The following FAT1 variants were observed in gnomAD, a reference collection of about 807,000 sequenced individuals.
The protein encoded by FAT1 is protocadherin Fat 1.
In FAT1, 171 loss-of-function variants were observed where a neutral mutation model predicts 329.8. That is an observed-to-expected ratio of 0.52 (90% confidence interval 0.46 to 0.59). The LOEUF (loss-of-function observed/expected upper bound fraction) is 0.59. Among genes scored for constraint, FAT1 ranks in the 20% least tolerant of loss-of-function variants. The pLI is 0.00. For missense variants in FAT1, 5,672 were observed against 5,774.4 expected (o/e 0.98, Z 0.57); for synonymous variants, 2,233 against 2,228.6 (o/e 1.00, Z -0.06).
intron 2 of FAT1, among the ~76,000 whole-genome samples, chr4:186,701,322 A>G (rs1744299829): frequency 6.6e-6 from 1 of 152,170 alleles, no homozygotes; most frequent in Non-Finnish European, 1.5e-5. Context: ...GAACACAGCA[A>G]CAACACACTG....
At chr4:186,640,838 G>C (rs769782401) in intron 3 of FAT1, among the ~76,000 whole-genome samples, 1 of 152,060 alleles carries the variant, frequency 6.6e-6, no homozygotes, top group Non-Finnish European at 1.5e-5. Context: ...CTAAAATGTC[G>C]TCCCCAATCT....
chr4:186,684,980 TA>T (rs1743394836), intron 2 of FAT1, among the ~76,000 whole-genome samples: 1 of 152,106 alleles, frequency 6.6e-6, no homozygotes, highest in African/African-American at 2.4e-5. Context: ...AAACATTATC[TA>T]AAGGGAAGAA....
At chr4:186,666,334 G>T (rs1330539025) in intron 2 of FAT1, among the ~76,000 whole-genome samples, 2 of 152,098 alleles carry the variant, frequency 1.3e-5, no homozygotes, top group African/African-American at 4.8e-5. Flanking sequence ...ACACTCAACT[G>T]GTCTGCTAAA....
At chr4:186,601,206 T>C in intron 21 of FAT1, 63 bp downstream of exon 21, 2 of 1,403,726 alleles carry the variant, frequency 1.4e-6, no homozygotes, top group South Asian at 3.0e-5. Flanking sequence ...ACAATCTGAA[T>C]ATAAAATGAA....
chr4:186,707,407 A>T lies in FAT1; in HGVS notation c.2421T>A (p.Leu807=), dbSNP rs1349497308. 6.2e-7 allele frequency: 1 copy of T among 1,613,912 alleles called. No homozygotes were observed. The highest frequency in any genetic ancestry group is 8.5e-7 in the Non-Finnish European group (1 of 1,179,904). Residue 807 remains leucine (L), a synonymous_variant, in exon 2 of 27, where the codon CTT becomes CTA. Coordinates refer to ENST00000441802, the MANE Select transcript of FAT1 (RefSeq NM_005245.4). The stretch of plus-strand genomic sequence containing the variant: ...TGGCATCGACAACCACGACATGTAG[A>T]AGACGCCACGCAGCCTTCTGGGGTA... ...LGIPQKAAWR[L]LHVVVVDAND...
chr4:186,694,150 A>T (rs1289233160), intron 2 of FAT1, among the ~76,000 whole-genome samples: 1 of 152,018 alleles, frequency 6.6e-6, no homozygotes, highest in African/African-American at 2.4e-5. Context: ...TCATCTACTA[A>T]TCCAACCACC....
rs181670062 is a variant in FAT1 at position 186,720,371 on chromosome 4, T to A, written c.-19+3293A>T. Among the ~76,000 whole-genome samples, 242 of 129,948 alleles carry A rather than the reference T, an allele frequency of 1.9e-3. 3 individuals carry two copies. The Admixed American group carries it at 0.019, about 10-fold the overall frequency. 85.3% of individuals were successfully genotyped at this position (129,948 alleles called of 152,430 possible). On this transcript the variant is annotated intron_variant, in intron 1 of 26. Coordinates refer to ENST00000441802, the MANE Select transcript of FAT1 (RefSeq NM_005245.4). ...TAAGTCATAGTCAAGATTCTCTATG[T>A]TCTACCTAGACAAAAAAAAGAAGCC... is the stretch of plus-strand genomic sequence containing the variant.
rs939450461 is a variant in FAT1 at position 186,618,663 on chromosome 4, A to C, written c.7923T>G (p.Ser2641Arg). Residue 2641 changes from serine to arginine, a missense_variant, in exon 10 of 27, where the codon AGT (serine) becomes AGG (arginine). Physicochemically the swap from Ser to Arg is moderately radical, Grantham distance 110. Around this residue, in one of 2 missense-constraint regions of FAT1, gnomAD observed 3,966 missense variants for 3,915.2 expected, o/e 1.01. Transcript: ENST00000441802. ...ITYAIEADSE[S>R]VKENLEINKL... ...TGTTAATTTCCAAATTCTCTTTTAC[A>C]CTTTCAGAGTCTGCTTCAATGGCAT... 1 of 1,613,858 alleles carries C rather than the reference A, an allele frequency of 6.2e-7. No homozygotes were observed. Among genetic ancestry groups the C allele is most frequent in the African/African-American group, 1.3e-5 (1 of 74,914 alleles).
At chr4:186,689,396 T>G (rs1405799823) in intron 2 of FAT1, among the ~76,000 whole-genome samples, 2 of 152,216 alleles carry the variant, frequency 1.3e-5, no homozygotes, top group African/African-American at 2.4e-5. Context: ...ACTGGACATT[T>G]TTTTTCTTTT....
intron 4 of FAT1, among the ~76,000 whole-genome samples, chr4:186,639,318 A>T (rs1307632016): frequency 6.6e-6 from 1 of 152,244 alleles, no homozygotes; most frequent in Non-Finnish European, 1.5e-5. Context: ...AGGTTGAAAC[A>T]GATCTATAAA....
rs370305014 is a variant in FAT1 at position 186,620,982 on chromosome 4, A to C, written c.5604T>G (p.His1868Gln). Reference sequence around the variant, plus strand: ...GGGGGCAGTCATTAATGTCAATTACATGTACTGTTACATTCGCTGCATACT... The same window carrying C: ...GGGGGCAGTCATTAATGTCAATTACCTGTACTGTTACATTCGCTGCATACT... ...FAEYAANVTV[H>Q]VIDINDCPPV... Residue 1868 changes from histidine (H) to glutamine (Q), a missense_variant, in exon 10 of 27, where the codon CAT becomes CAG. Around this residue, in one of 2 missense-constraint regions of FAT1, gnomAD observed 3,966 missense variants for 3,915.2 expected, o/e 1.01. Transcript: ENST00000441802. 23 of 1,613,366 alleles carry C rather than the reference A, an allele frequency of 1.4e-5. No individual in the cohort carries two copies. Among genetic ancestry groups the C allele is most frequent in the Admixed American group, 8.3e-5 (5 of 60,026 alleles).
rs2126497127 is a variant in FAT1, at chr4:186,618,607, C to G, written c.7979G>C (p.Ser2660Thr). Residue 2660 changes from serine to threonine, a missense_variant, in exon 10 of 27, where the codon AGC becomes ACC. This residue lies in a region of FAT1 where 3,966 missense variants were observed against 3,915.2 expected (regional missense o/e 1.01). Transcript: ENST00000441802. ...GAATTCATTTTCCAAGCCAATGAGG[C>G]TCTCCTTTGTAGTGATTACGCCGGA... ...KLSGVITTKESLIGLENEFFT... is the reference protein window; with the variant it reads ...KLSGVITTKETLIGLENEFFT... The G allele has an allele frequency of 6.2e-7, 1 of 1,614,056 alleles. No homozygotes were observed. The highest frequency in any genetic ancestry group is 8.5e-7 in the Non-Finnish European group (1 of 1,179,904).
rs926413845 is a variant in FAT1 at position 186,619,932 on chromosome 4, G to A, written c.6654C>T (p.Ile2218=). The A allele has an allele frequency of 6.2e-7, 1 of 1,613,998 alleles. No homozygotes were observed. Among genetic ancestry groups the A allele is most frequent in the Non-Finnish European group, 8.5e-7 (1 of 1,179,892 alleles). Residue 2218 remains isoleucine, a synonymous_variant, in exon 10 of 27, where the codon ATC becomes ATT. Transcript: ENST00000441802. The part of the protein sequence containing the change: ...SPEGLKVFYS[I]TDGDPFSQFT... ...ACTGGCTGAAAGGGTCTCCGTCTGT[G>A]ATGCTGTAGAACACTTTCAGGCCTT...
intron 22 of FAT1, among the ~76,000 whole-genome samples, chr4:186,599,185 T>C (rs1738672598): frequency 6.6e-6 from 1 of 152,214 alleles, no homozygotes; most frequent in African/African-American, 2.4e-5. Flanking sequence ...TCTGTGGGGA[T>C]GGCCTGGCCC....
chr4:186,588,469 A>T lies in FAT1; in HGVS notation c.*123T>A. 1 of 1,164,960 alleles carries T rather than the reference A, an allele frequency of 8.6e-7. No individual in the cohort carries two copies. Among genetic ancestry groups the T allele is most frequent in the South Asian group, 1.6e-5 (1 of 62,506 alleles). The allele number at this position is 1,164,960 out of a possible 1,614,324, so 72.2% of individuals were successfully genotyped here. On this transcript the variant is annotated 3_prime_UTR_variant, in exon 27 of 27. Transcript: ENST00000441802. ...TAGCACGTCCAGAGGCGCAGGATCCAGCGCAGCCATGCCCATTCGGCTCAC... is the reference window on the plus strand; with the variant it reads ...TAGCACGTCCAGAGGCGCAGGATCCTGCGCAGCCATGCCCATTCGGCTCAC...
Position 186,706,869 on chromosome 4 carries a change from G to A in FAT1, c.2959C>T (p.Gln987Ter), listed in dbSNP as rs1335284830. ...TGCTTCTTCTCAAAGTCCAACTGCT[G>A]GACGATCCTAACTGCTCCACTGAGT... Reference protein sequence around the residue: ...DKLSGAVRIVQQLDFEKKQVY... With the variant: ...DKLSGAVRIV The change falls in exon 2 of 27, where the codon CAG becomes TAG. Residue 987 changes from glutamine to a stop codon, truncating the protein, a stop_gained. Transcript: ENST00000441802. LOFTEE classifies it high-confidence loss of function. 6.2e-7 allele frequency: 1 copy of A among 1,613,912 alleles called. No homozygotes were observed.
chr4:186,683,774 G>C (rs950423834), intron 2 of FAT1, among the ~76,000 whole-genome samples: 3 of 152,010 alleles, frequency 2.0e-5, no homozygotes, highest in Non-Finnish European at 4.4e-5. Context: ...CACCAGAATG[G>C]AGAGCTTCAT....
intron 2 of FAT1, among the ~76,000 whole-genome samples, chr4:186,689,825 G>A (rs1553998475): frequency 1.3e-5 from 2 of 152,138 alleles, no homozygotes; most frequent in Non-Finnish European, 2.9e-5. Context: ...TCACCTGGGC[G>A]ATCAAGCCTT....
In FAT1 at chr4:186,616,536, C is replaced by A. The variant is rs1455590875; in HGVS notation, c.9075+469G>T. On this transcript the variant is annotated intron_variant, in intron 11 of 26. Coordinates refer to ENST00000441802, the MANE Select transcript of FAT1 (RefSeq NM_005245.4). ...CCTCATCTAACCTTGGAGGGAGCAG[C>A]CCTTCCTACGTCTACTTTTAGTTCC... 4.6e-5 allele frequency among the ~76,000 whole-genome samples: 7 copies of A among 152,128 alleles called. No homozygotes were observed. In the East Asian group the frequency reaches 1.4e-3, roughly 29 times the overall value.
Sources: gnomAD v4.1 joint callset for allele counts (sites outside exome capture counted in the v4.1 genomes callset) on GRCh38, gnomAD v4.1.1 for gene constraint, gnomAD v4.1.1 regional missense constraint, MANE v1.5 for transcripts, NCBI Gene and HGNC (gene_info 2026-07-23, HGNC 2026-07-21) for gene names.